GRIN2A: variants seen among roughly 807,000 people sequenced by gnomAD.
The protein encoded by GRIN2A is glutamate receptor ionotropic, NMDA 2A.
GRIN2A carries 22 observed loss-of-function variants against 113.4 expected under a neutral mutation model. The ratio of observed to expected loss-of-function variants is 0.19; its 90% CI spans 0.14 to 0.28. The LOEUF is 0.28. Ranked by LOEUF, GRIN2A falls within the 10% of genes least tolerant of loss-of-function variation. The pLI, the probability that GRIN2A is intolerant of heterozygous loss-of-function variation, is 1.00. For missense variants in GRIN2A, 1,502 were observed against 1,887.0 expected, an observed-to-expected ratio of 0.80 and a Z score of 3.78; for synonymous variants, 827 against 738.4, an observed-to-expected ratio of 1.12 and a Z score of -1.94.
intron 2 of GRIN2A, among the ~76,000 whole-genome samples, chr16:9,967,609 G>A (rs1382150730): frequency 6.6e-6 from 1 of 152,178 alleles, no homozygotes; most frequent in Non-Finnish European, 1.5e-5. Context: ...GGGAGGCTGA[G>A]GCAGTAGAAT....
At position 9,764,351 on chromosome 16, in the gene GRIN2A, A is replaced by C. The variant is rs991874779; in HGVS notation, c.3193T>G (p.Ser1065Ala). The C allele has an allele frequency of 5.0e-6, 8 of 1,613,928 alleles. No individual in the cohort carries two copies. Among genetic ancestry groups the C allele is most frequent in the Non-Finnish European group, 5.9e-6 (7 of 1,179,970 alleles). ...TCCCTGTGGCACGTGGCCCGATTTG[A>C]CGTTTCTGAAATGTCAGAGTGGGCC... ...EMAHSDISET[S>A]NRATCHREPD... Residue 1065 changes from serine to alanine, a missense_variant, in exon 13 of 13, where the codon TCA becomes GCA. By Grantham distance (99) the Ser-to-Ala change is moderately conservative. This residue lies in a region of GRIN2A where 832 missense variants were observed against 789.7 expected (regional missense o/e 1.05). Transcript: ENST00000330684.
At chr16:10,079,937 T>A (rs547938257) in intron 2 of GRIN2A, among the ~76,000 whole-genome samples, 2 of 152,356 alleles carry the variant, frequency 1.3e-5, no homozygotes, top group South Asian at 4.1e-4. Context: ...AAGAATTGCA[T>A]GAGCACTTTG....
intron 3 of GRIN2A, among the ~76,000 whole-genome samples, chr16:9,937,550 C>T (rs894779792): frequency 6.6e-6 from 1 of 152,084 alleles, no homozygotes; most frequent in African/African-American, 2.4e-5. Context: ...TACCATTATG[C>T]AGACTGGATA....
At chr16:9,889,664 C>T (rs1031517827) in intron 4 of GRIN2A, among the ~76,000 whole-genome samples, 3 of 152,108 alleles carry the variant, frequency 2.0e-5, no homozygotes, top group African/African-American at 4.8e-5. Context: ...TTTTCATTAT[C>T]ATTCTGACTA....
At chr16:9,808,448 A>G (rs1221217591) in intron 10 of GRIN2A, among the ~76,000 whole-genome samples, 1 of 152,198 alleles carries the variant, frequency 6.6e-6, no homozygotes, top group African/African-American at 2.4e-5. Context: ...AGGGACTCTC[A>G]GGGGCCAGAA....
At chr16:9,992,197 G>A (rs1048896058) in intron 2 of GRIN2A, among the ~76,000 whole-genome samples, 1 of 152,058 alleles carries the variant, frequency 6.6e-6, no homozygotes, top group Non-Finnish European at 1.5e-5. Context: ...CCAATGATCC[G>A]TTCATGGACA....
intron 2 of GRIN2A, among the ~76,000 whole-genome samples, chr16:10,002,805 T>C (rs113574607): frequency 6.6e-6 from 1 of 152,188 alleles, no homozygotes; most frequent in South Asian, 2.1e-4. Flanking sequence ...ATTTTAACAG[T>C]TGGTAAACCA....
At chr16:10,103,156 AC>A (rs1391559710) in intron 2 of GRIN2A, among the ~76,000 whole-genome samples, 7 of 151,366 alleles carry the variant, frequency 4.6e-5, no homozygotes, top group African/African-American at 1.5e-4. Context: ...AGCAACAGCA[AC>A]TTTTTTTTTA....
chr16:10,111,899 C>A, intron 2 of GRIN2A: 1 of 857,626 alleles, frequency 1.2e-6, no homozygotes, highest in Non-Finnish European at 1.9e-6. Flanking sequence ...GACCACACCA[C>A]CCTCCTCAGT....
chr16:10,009,748 G>GA (rs35214802), intron 2 of GRIN2A, among the ~76,000 whole-genome samples: 1,773 of 146,112 alleles, frequency 0.012, 38 homozygotes, highest in African/African-American at 0.04. Flanking sequence ...AAATGAGAAA[G>GA]AAAAAAAAAA....
chr16:9,997,347 T>A (rs1023747828), intron 2 of GRIN2A, among the ~76,000 whole-genome samples: 5 of 152,206 alleles, frequency 3.3e-5, no homozygotes, highest in Non-Finnish European at 5.9e-5. Context: ...TGATGATAGG[T>A]CCATCCAGAT....
intron 2 of GRIN2A, among the ~76,000 whole-genome samples, chr16:10,083,085 A>G: frequency 6.6e-6 from 1 of 152,198 alleles, no homozygotes; most frequent in Non-Finnish European, 1.5e-5. Context: ...GCAAAAACAT[A>G]AAAAAATAAA....
chr16:10,039,928 C>G (rs1453947933), intron 2 of GRIN2A, among the ~76,000 whole-genome samples: 2 of 80,808 alleles, frequency 2.5e-5, no homozygotes, highest in East Asian at 4.1e-4. Flanking sequence ...AGCGCACATG[C>G]AAACACACAC....
At chr16:9,972,327 C>T (rs1456917708) in intron 2 of GRIN2A, among the ~76,000 whole-genome samples, 2 of 152,098 alleles carry the variant, frequency 1.3e-5, no homozygotes, top group African/African-American at 4.8e-5. Flanking sequence ...AGTGCTAGTA[C>T]AATTCAAAAT....
At chr16:9,775,476 G>C (rs554105150) in intron 11 of GRIN2A, among the ~76,000 whole-genome samples, 2 of 152,088 alleles carry the variant, frequency 1.3e-5, no homozygotes, top group African/African-American at 4.8e-5. Context: ...GATAGTCTTT[G>C]GCCTCTAAGA....
Position 9,778,352 on chromosome 16 carries a change from A to G in GRIN2A, c.2357-9263T>C, listed in dbSNP as rs534616351. On this transcript the variant is annotated intron_variant, in intron 11 of 12. Transcript: ENST00000330684. ...CTGCCTCACACAAATAAAGACGGTC[A>G]AGCTGACATGGCTTAAAAGGCACAT... Among the ~76,000 whole-genome samples the G allele has an allele frequency of 2.0e-5, 3 of 152,332 alleles. No individual in the cohort carries two copies. In the South Asian group the frequency reaches 6.2e-4, roughly 32 times the overall value.
chr16:10,108,110 T>G (rs1235749194), intron 2 of GRIN2A, among the ~76,000 whole-genome samples: 1 of 152,202 alleles, frequency 6.6e-6, no homozygotes. Flanking sequence ...TTAGTCCATT[T>G]TCATGCTGCT....
intron 2 of GRIN2A, among the ~76,000 whole-genome samples, chr16:10,147,721 C>A (rs1353485772): frequency 1.3e-5 from 2 of 151,668 alleles, no homozygotes; most frequent in Non-Finnish European, 2.9e-5. Flanking sequence ...CCCCAAAATA[C>A]AAGCATAGCT....
At chr16:9,773,715 T>C (rs1457046592) in intron 11 of GRIN2A, among the ~76,000 whole-genome samples, 4 of 152,200 alleles carry the variant, frequency 2.6e-5, no homozygotes, top group Non-Finnish European at 5.9e-5. Context: ...CAGAACTTCT[T>C]TGCGCCCATG....
Sources: gnomAD v4.1 joint callset for allele counts (sites outside exome capture counted in the v4.1 genomes callset) on GRCh38, gnomAD v4.1.1 for gene constraint, gnomAD v4.1.1 regional missense constraint, MANE v1.5 for transcripts, NCBI Gene and HGNC (gene_info 2026-07-23, HGNC 2026-07-21) for gene names.